AGTPBP1: variants seen among roughly 807,000 people sequenced by gnomAD.
AGTPBP1 encodes the protein cytosolic carboxypeptidase 1.
Under a neutral mutation model 143.9 loss-of-function variants are expected in AGTPBP1, and 70 were observed. The ratio of observed to expected loss-of-function variants is 0.49; its 90% CI spans 0.40 to 0.59. The LOEUF (loss-of-function observed/expected upper bound fraction) is 0.59, where lower values mean the gene tolerates loss of function less well. AGTPBP1 is among the 20% of genes least tolerant of loss of function. AGTPBP1 has a pLI of 0.00. For missense variants in AGTPBP1, 1,229 were observed against 1,464.5 expected, an observed-to-expected ratio of 0.84 and a Z score of 2.62; for synonymous variants, 463 against 500.2, an observed-to-expected ratio of 0.93 and a Z score of 0.99.
intron 9 of AGTPBP1, among the ~76,000 whole-genome samples, chr9:85,660,345 T>C (rs1203093658): frequency 6.6e-6 from 1 of 152,154 alleles, no homozygotes; most frequent in Non-Finnish European, 1.5e-5. Context: ...AGACTCAGTA[T>C]CTTGGAGAGA....
intron 17 of AGTPBP1, among the ~76,000 whole-genome samples, chr9:85,598,464 T>C (rs959672011): frequency 2.0e-5 from 3 of 152,180 alleles, no homozygotes; most frequent in Non-Finnish European, 4.4e-5. Flanking sequence ...AAATTCTCTA[T>C]AGCCTTACTT....
the AGTPBP1 span, among the ~76,000 whole-genome samples, chr9:85,749,923 C>T: frequency 6.6e-6 from 1 of 151,552 alleles, no homozygotes; most frequent in East Asian, 1.9e-4. Context: ...TCTTTGTTGC[C>T]CAGGCTGGAG....
At chr9:85,694,782 A>G (rs1836121489) in intron 2 of AGTPBP1, among the ~76,000 whole-genome samples, 1 of 152,130 alleles carries the variant, frequency 6.6e-6, no homozygotes, top group Non-Finnish European at 1.5e-5. Context: ...CCTATGTTCA[A>G]TAGCAGCCTC....
chr9:85,704,162 T>C (rs529021525), intron 2 of AGTPBP1, among the ~76,000 whole-genome samples: 2 of 152,174 alleles, frequency 1.3e-5, no homozygotes, highest in African/African-American at 4.8e-5. Context: ...TTTCAGGTAA[T>C]GTAAGAAAGC....
chr9:85,614,670 T>C (rs1442931176), intron 17 of AGTPBP1, among the ~76,000 whole-genome samples: 1 of 152,086 alleles, frequency 6.6e-6, no homozygotes, highest in Non-Finnish European at 1.5e-5. Flanking sequence ...TGAAAATAAC[T>C]ACAGGATGTT....
chr9:85,633,906 G>T (rs1392423451), intron 13 of AGTPBP1, among the ~76,000 whole-genome samples: 1 of 150,994 alleles, frequency 6.6e-6, no homozygotes, highest in African/African-American at 2.4e-5. Context: ...AAAAAGGAGG[G>T]CAAGGCCGGG....
chr9:85,561,642 A>G (rs1399349713), intron 25 of AGTPBP1, among the ~76,000 whole-genome samples: 1 of 152,112 alleles, frequency 6.6e-6, no homozygotes, highest in East Asian at 1.9e-4. Flanking sequence ...AAAAATGAAG[A>G]GAAAAAAGAG....
intron 8 of AGTPBP1, among the ~76,000 whole-genome samples, chr9:85,665,752 T>C (rs1024244987): frequency 6.6e-6 from 1 of 152,180 alleles, no homozygotes; most frequent in Admixed American, 6.6e-5. Context: ...AAAGCTGGGA[T>C]ATGAACCCAG....
At chr9:85,683,824 T>C (rs536238088) in intron 3 of AGTPBP1, among the ~76,000 whole-genome samples, 15 of 152,224 alleles carry the variant, frequency 9.9e-5, no homozygotes, top group Admixed American at 6.5e-4. Context: ...TTATAAAGAC[T>C]ATATAAACCT....
the AGTPBP1 span, among the ~76,000 whole-genome samples, chr9:85,780,913 G>A: frequency 1.3e-5 from 2 of 152,108 alleles, no homozygotes; most frequent in Non-Finnish European, 2.9e-5. Flanking sequence ...TCAGGAGATC[G>A]AGACCATCCT....
intron 3 of AGTPBP1, among the ~76,000 whole-genome samples, chr9:85,692,096 A>G (rs1835913573): frequency 6.6e-6 from 1 of 152,086 alleles, no homozygotes. Flanking sequence ...ATGCTACTTG[A>G]TATCTTTTTG....
At chr9:85,589,381 A>T in intron 20 of AGTPBP1, 147 bp downstream of exon 20, 1 of 1,004,508 alleles carries the variant, frequency 1.0e-6, no homozygotes. Flanking sequence ...AGGTGGGCTC[A>T]TGGCTAGCTA....
the AGTPBP1 span, among the ~76,000 whole-genome samples, chr9:85,748,204 G>A: frequency 6.6e-6 from 1 of 152,208 alleles, no homozygotes; most frequent in African/African-American, 2.4e-5. Context: ...GTAATACTGT[G>A]CATCCAGCAC....
chr9:85,692,702 C>T lies in AGTPBP1; in HGVS notation c.144G>A (p.Leu48=). ...ARYVTSKILH[L]AQSQEKTRRE... ...ATCAATGTTTACCTTGACTCTGAGC[C>T]AGATGAAGAATTTTTGATGTAACAT... The change falls in exon 3 of 26, where the codon CTG becomes CTA. Residue 48 remains leucine (L), a synonymous_variant. Transcript: ENST00000357081. The T allele has an allele frequency of 3.0e-5, 49 of 1,613,758 alleles. No homozygotes were observed. Among genetic ancestry groups the T allele is most frequent in the Non-Finnish European group, 4.2e-5 (49 of 1,179,888 alleles).
chr9:85,547,208 C>CTCA lies in AGTPBP1; in HGVS notation c.3579_3581dup (p.Asp1193dup), dbSNP rs1825783528. Reference sequence around the variant, plus strand: ...CATTTTCAGCCAACTCAATATCTAACTCATCATTACTTTCTGCACTGTAAT... The same window carrying CTCA: ...CATTTTCAGCCAACTCAATATCTAACTCATCATCATTACTTTCTGCACTGTAAT... On this transcript the variant is annotated inframe_insertion, in exon 26 of 26. Coordinates refer to ENST00000357081, the MANE Select transcript of AGTPBP1 (RefSeq NM_001330701.2). 1.2e-6 allele frequency: 2 copies of CTCA among 1,613,742 alleles called. No homozygotes were observed.
chr9:85,564,676 T>C (rs955138746), intron 25 of AGTPBP1, among the ~76,000 whole-genome samples: 3 of 152,232 alleles, frequency 2.0e-5, no homozygotes, highest in African/African-American at 4.8e-5. Flanking sequence ...GGCTATACCA[T>C]ATAGCCGAGG....
At chr9:85,717,979 T>C (rs1471485776) in intron 1 of AGTPBP1, among the ~76,000 whole-genome samples, 1 of 152,158 alleles carries the variant, frequency 6.6e-6, no homozygotes, top group East Asian at 1.9e-4. Context: ...GTTTCCAGCT[T>C]CATCCACGTC....
the AGTPBP1 span, among the ~76,000 whole-genome samples, chr9:85,792,001 T>C: frequency 1.3e-5 from 2 of 152,180 alleles, no homozygotes; most frequent in African/African-American, 4.8e-5. Context: ...CCATGAATGA[T>C]ATGCCAAAAC....
chr9:85,626,092 A>T (rs1831276061), intron 14 of AGTPBP1, among the ~76,000 whole-genome samples: 1 of 151,196 alleles, frequency 6.6e-6, no homozygotes, highest in South Asian at 2.1e-4. Flanking sequence ...AGATAAATTT[A>T]ATTTTAATTT....
Sources: gnomAD v4.1 joint callset for allele counts (sites outside exome capture counted in the v4.1 genomes callset) on GRCh38, gnomAD v4.1.1 for gene constraint, MANE v1.5 for transcripts, NCBI Gene and HGNC (gene_info 2026-07-23, HGNC 2026-07-21) for gene names.